The following UNC80 variants were observed in gnomAD, a reference collection of about 807,000 sequenced individuals.
UNC80 encodes the protein unc-80 subunit of NALCN channel complex, also known as protein unc-80 homolog.
In UNC80, 164 loss-of-function variants were observed where a neutral mutation model predicts 384.6. The observed-to-expected ratio is 0.43, with a 90% CI of 0.38 to 0.49. The LOEUF is 0.49. Ranked by LOEUF, UNC80 falls within the 20% of genes least tolerant of loss-of-function variation. The probability of loss-of-function intolerance (pLI) is 0.00; values close to 1 mark genes in which losing one functional copy is unlikely to be tolerated. For missense variants in UNC80, 3,330 were observed against 4,143.0 expected (o/e 0.80, Z 5.39); for synonymous variants, 1,486 against 1,527.8 (o/e 0.97, Z 0.64).
At position 209,872,928 on chromosome 2, in the gene UNC80, G is replaced by A. The variant is rs1354649487; in HGVS notation, c.3798G>A (p.Lys1266=). ...TTGTGGGCAACAAGCGAAACCAGAA[G>A]CTGCAGTGGAATGCAGCCAAGCTCT... ...SPIVGNKRNQ[K]LQWNAAKLFY... Residue 1266 remains lysine, a synonymous_variant, in exon 23 of 65, where the codon AAG becomes AAA. Transcript: ENST00000673920. This position sits in a 1 kb window ranked among gnomAD's most constrained non-coding sequence, Gnocchi z 4.1. 3 of 1,551,664 alleles carry A rather than the reference G, an allele frequency of 1.9e-6. No homozygotes were observed. The highest frequency in any genetic ancestry group is 2.6e-6 in the Non-Finnish European group (3 of 1,146,968).
At chr2:209,981,807 G>C (rs1299019213) in intron 59 of UNC80, among the ~76,000 whole-genome samples, 1 of 152,142 alleles carries the variant, frequency 6.6e-6, no homozygotes, top group Non-Finnish European at 1.5e-5. Context: ...AAATGTATTT[G>C]ATTCATTCAA....
intron 21 of UNC80, among the ~76,000 whole-genome samples, chr2:209,848,076 A>T (rs2082284267): frequency 6.6e-6 from 1 of 152,096 alleles, no homozygotes; most frequent in African/African-American, 2.4e-5. Context: ...ACATATAGTT[A>T]TAAAAAATAA....
At chr2:209,927,207 G>A (rs908942067) in intron 36 of UNC80, among the ~76,000 whole-genome samples, 1 of 152,136 alleles carries the variant, frequency 6.6e-6, no homozygotes, top group Non-Finnish European at 1.5e-5. Context: ...TTTAAAATAG[G>A]TAATTGGGTC....
At chr2:209,844,472 TTTCTTTCCTTCC>T (rs1485381715) in intron 21 of UNC80, among the ~76,000 whole-genome samples, 2,846 of 76,044 alleles carry the variant, frequency 0.037, 51 homozygotes, top group Admixed American at 0.059. Context: ...TCTTTCTTTC[TTTCTTTCCTTCC>T]TTCCTTCCTT....
intron 40 of UNC80, among the ~76,000 whole-genome samples, chr2:209,936,104 G>A (rs145547022): frequency 3.3e-5 from 5 of 152,148 alleles, no homozygotes; most frequent in African/African-American, 1.2e-4. Context: ...TTCCAAACTC[G>A]TGCATCTTAT....
At chr2:209,862,699 A>G (rs1235640338) in intron 22 of UNC80, among the ~76,000 whole-genome samples, 2 of 126,080 alleles carry the variant, frequency 1.6e-5, no homozygotes, top group South Asian at 2.4e-4. Context: ...ATTTTCTACC[A>G]TCTCTTTATT....
intron 5 of UNC80, among the ~76,000 whole-genome samples, chr2:209,788,284 C>A (rs1046140802): frequency 2.6e-5 from 4 of 151,818 alleles, no homozygotes; most frequent in Non-Finnish European, 5.9e-5. Context: ...GGCTTGGTAG[C>A]GCATGCCTAT....
chr2:209,820,827 T>C, intron 13 of UNC80, 148 bp downstream of exon 13: 1 of 823,214 alleles, frequency 1.2e-6, no homozygotes, highest in Non-Finnish European at 1.9e-6. Context: ...CATTAGGTTC[T>C]CAGTAGGCAT....
At chr2:209,889,646 C>T (rs1202191867) in intron 26 of UNC80, among the ~76,000 whole-genome samples, 1 of 152,130 alleles carries the variant, frequency 6.6e-6, no homozygotes, top group Non-Finnish European at 1.5e-5. Flanking sequence ...TCCCATAGCC[C>T]GCCACCCACG....
intron 8 of UNC80, among the ~76,000 whole-genome samples, 197 bp from the exon 9 acceptor site, chr2:209,815,060 C>A (rs924746100): frequency 4.6e-5 from 7 of 152,010 alleles, no homozygotes; most frequent in Non-Finnish European, 1.0e-4. Context: ...CTGAAAACTT[C>A]AAACAGAAAT....
intron 45 of UNC80, 113 bp from the exon 46 acceptor site, chr2:209,944,938 A>G: frequency 8.3e-7 from 1 of 1,209,360 alleles, no homozygotes; most frequent in East Asian, 2.6e-5. Context: ...GCTGAATTCC[A>G]GGTAGATGTT....
intron 23 of UNC80, among the ~76,000 whole-genome samples, chr2:209,877,244 T>C (rs1039636011): frequency 1.3e-5 from 2 of 152,184 alleles, no homozygotes; most frequent in African/African-American, 4.8e-5. Context: ...ATTCCTTTGA[T>C]AAACCAGACA....
intron 16 of UNC80, among the ~76,000 whole-genome samples, chr2:209,832,715 A>G (rs1182099785): frequency 6.6e-6 from 1 of 152,206 alleles, no homozygotes; most frequent in East Asian, 1.9e-4. Flanking sequence ...GTAATTTAAC[A>G]GGTTGGTTAT....
chr2:209,940,362 C>G (rs547933801), intron 43 of UNC80, among the ~76,000 whole-genome samples: 1 of 152,236 alleles, frequency 6.6e-6, no homozygotes, highest in African/African-American at 2.4e-5. Context: ...ATTCAATGAA[C>G]TCTAAAGATC....
At chr2:209,825,594 A>C (rs558057018) in intron 13 of UNC80, among the ~76,000 whole-genome samples, 3 of 152,286 alleles carry the variant, frequency 2.0e-5, no homozygotes, top group African/African-American at 7.2e-5. Flanking sequence ...GATAGTCTGC[A>C]CTGTCTCTCT....
intron 27 of UNC80, 140 bp from the exon 28 acceptor site, chr2:209,896,173 A>G (rs1574927367): frequency 2.8e-6 from 2 of 701,894 alleles, no homozygotes; most frequent in East Asian, 5.5e-5. Context: ...TTCCTCCAAC[A>G]AAGTCAATGC....
At chr2:209,813,483 C>T in intron 7 of UNC80, 97 bp from the exon 8 acceptor site, 1 of 1,302,470 alleles carries the variant, frequency 7.7e-7, no homozygotes, top group Non-Finnish European at 1.0e-6. Context: ...AAATGAATAA[C>T]TAAACAAATG....
intron 47 of UNC80, among the ~76,000 whole-genome samples, chr2:209,950,561 C>CTTTT (rs796509289): frequency 7.4e-6 from 1 of 135,752 alleles, no homozygotes; most frequent in Non-Finnish European, 1.6e-5. Context: ...CTACCTTTGG[C>CTTTT]TTTTTTTTTT....
chr2:209,921,203 A>G (rs147745430), intron 33 of UNC80, among the ~76,000 whole-genome samples: 29 of 152,342 alleles, frequency 1.9e-4, no homozygotes, highest in South Asian at 4.1e-4. Flanking sequence ...TTATTTGATC[A>G]TAATATTTAA....
Sources: gnomAD v4.1 joint callset for allele counts (sites outside exome capture counted in the v4.1 genomes callset) on GRCh38, gnomAD v4.1.1 for gene constraint, Gnocchi (gnomAD v3.1) non-coding constraint, MANE v1.5 for transcripts, NCBI Gene and HGNC (gene_info 2026-07-23, HGNC 2026-07-21) for gene names.